The following ENTREP2 variants were observed in gnomAD, a reference collection of about 807,000 sequenced individuals.
ENTREP2 encodes the protein endosomal transmembrane epsin interactor 2.
the ENTREP2 span, among the ~76,000 whole-genome samples, chr15:29,362,367 CTTTTT>C: frequency 6.5e-3 from 591 of 91,424 alleles, 2 homozygotes; most frequent in African/African-American, 0.026. Context: ...TGTTTTTAAT[CTTTTT>C]TTTTTTTTTT....
chr15:29,234,220 T>A, the ENTREP2 span: 1 of 1,610,604 alleles, frequency 6.2e-7, no homozygotes, highest in South Asian at 1.1e-5. Context: ...AACGCTTAAC[T>A]GGTGGTTGTC....
At chr15:29,217,410 C>A in the ENTREP2 span, among the ~76,000 whole-genome samples, 12 of 152,156 alleles carry the variant, frequency 7.9e-5, no homozygotes. Context: ...TTGGGCATTA[C>A]AATTTAACAT....
At chr15:29,672,049 C>T in the ENTREP2 span, among the ~76,000 whole-genome samples, 1 of 152,184 alleles carries the variant, frequency 6.6e-6, no homozygotes, top group Non-Finnish European at 1.5e-5. Context: ...TGCAGTGGCG[C>T]CATCTTGGCT....
the ENTREP2 span, among the ~76,000 whole-genome samples, chr15:29,384,448 G>A: frequency 6.6e-6 from 1 of 151,912 alleles, no homozygotes; most frequent in Admixed American, 6.6e-5. Context: ...ACTCGCTCTT[G>A]TCTCCACCTC....
At chr15:29,218,052 C>CTCCA in the ENTREP2 span, among the ~76,000 whole-genome samples, 1 of 152,156 alleles carries the variant, frequency 6.6e-6, no homozygotes, top group Non-Finnish European at 1.5e-5. Flanking sequence ...TTCTATCAGG[C>CTCCA]TCCAGGCTGG....
At chr15:29,605,028 T>G in the ENTREP2 span, among the ~76,000 whole-genome samples, 1 of 152,148 alleles carries the variant, frequency 6.6e-6, no homozygotes, top group Non-Finnish European at 1.5e-5. Context: ...AGCTTAGAAA[T>G]GTACAGATAG....
the ENTREP2 span, among the ~76,000 whole-genome samples, chr15:29,567,454 T>C: frequency 3.3e-5 from 5 of 152,218 alleles, no homozygotes; most frequent in Non-Finnish European, 7.3e-5. Context: ...TAGCAGGAGT[T>C]TGGCCTCTAA....
chr15:29,280,589 T>C, the ENTREP2 span, among the ~76,000 whole-genome samples: 1 of 152,134 alleles, frequency 6.6e-6, no homozygotes, highest in Non-Finnish European at 1.5e-5. Context: ...GGCAGACACA[T>C]GTCAGCACCT....
the ENTREP2 span, among the ~76,000 whole-genome samples, chr15:29,286,860 T>C: frequency 3.9e-5 from 6 of 152,242 alleles, no homozygotes; most frequent in Non-Finnish European, 7.3e-5. Context: ...TAATAGTCTT[T>C]GCTCTCCCTC....
the ENTREP2 span, among the ~76,000 whole-genome samples, chr15:29,195,840 T>A: frequency 2.4e-4 from 36 of 152,350 alleles, 1 homozygote; most frequent in African/African-American, 7.5e-4. Flanking sequence ...CACATCTTTT[T>A]AAAAAGTTTT....
chr15:29,373,256 T>A, the ENTREP2 span, among the ~76,000 whole-genome samples: 1 of 152,082 alleles, frequency 6.6e-6, no homozygotes, highest in East Asian at 1.9e-4. Context: ...AGGAGTGATT[T>A]GAAAGACTAG....
chr15:29,248,441 A>G, the ENTREP2 span, among the ~76,000 whole-genome samples: 6 of 152,198 alleles, frequency 3.9e-5, no homozygotes, highest in Admixed American at 2.0e-4. Context: ...TTTGCCCAAT[A>G]TAAGTCAAAG....
chr15:29,361,411 C>T, the ENTREP2 span, among the ~76,000 whole-genome samples: 1 of 152,184 alleles, frequency 6.6e-6, no homozygotes, highest in Admixed American at 6.5e-5. Flanking sequence ...GCACCAGTTT[C>T]CTCTTATCTT....
At chr15:29,275,415 ACATT>A in the ENTREP2 span, among the ~76,000 whole-genome samples, 2 of 152,246 alleles carry the variant, frequency 1.3e-5, no homozygotes, top group African/African-American at 4.8e-5. Flanking sequence ...CATGTTCAAT[ACATT>A]CAGTGTGATT....
At chr15:29,260,951 C>T in the ENTREP2 span, among the ~76,000 whole-genome samples, 1 of 152,128 alleles carries the variant, frequency 6.6e-6, no homozygotes, top group Non-Finnish European at 1.5e-5. Flanking sequence ...TTTACAAATA[C>T]AGCCTGAAAA....
chr15:29,522,705 C>A, the ENTREP2 span, among the ~76,000 whole-genome samples: 1 of 152,164 alleles, frequency 6.6e-6, no homozygotes, highest in African/African-American at 2.4e-5. Context: ...GGAGCTCCTT[C>A]AAATTCTCAT....
the ENTREP2 span, among the ~76,000 whole-genome samples, chr15:29,459,391 T>G: frequency 4.7e-4 from 72 of 152,294 alleles, 1 homozygote; most frequent in Middle Eastern, 3.4e-3. Flanking sequence ...TCCCATCATC[T>G]GCCCTGAGGA....
the ENTREP2 span, among the ~76,000 whole-genome samples, chr15:29,387,557 T>C: frequency 6.6e-6 from 1 of 152,324 alleles, no homozygotes; most frequent in African/African-American, 2.4e-5. Context: ...AGGTAATTTA[T>C]AGATTCAATG....
the ENTREP2 span, among the ~76,000 whole-genome samples, chr15:29,321,375 C>A: frequency 6.6e-6 from 1 of 152,078 alleles, no homozygotes; most frequent in Non-Finnish European, 1.5e-5. Context: ...AGAGGCTGGG[C>A]GCGGTGGCTC....
Sources: allele counts gnomAD v4.1 joint callset (sites outside exome capture counted in the v4.1 genomes callset), GRCh38; gene constraint gnomAD v4.1.1; transcripts MANE v1.5; gene names NCBI Gene and HGNC (gene_info 2026-07-23, HGNC 2026-07-21).